Variants in PLD2 observed in about 807,000 individuals in gnomAD.
The protein encoded by PLD2 is choline phosphatase 2.
A neutral mutation model predicts 119.8 loss-of-function variants in PLD2; 101 were observed. The observed-to-expected ratio is 0.84, with a 90% confidence interval of 0.72 to 0.99. The LOEUF is 0.99. PLD2 is among the 50% of genes least tolerant of loss of function. The pLI is 0.00. For synonymous variants in PLD2, 494 were observed against 482.8 expected, an observed-to-expected ratio of 1.02 and a Z score of -0.30; for missense variants, 1,164 against 1,226.8, an observed-to-expected ratio of 0.95 and a Z score of 0.76.
chr17:4,810,850 C>T lies in PLD2; in HGVS notation c.909C>T (p.Ala303=), dbSNP rs2150670090. 6.2e-7 allele frequency: 1 copy of T among 1,613,716 alleles called. No homozygotes were observed. The highest frequency in any genetic ancestry group is 1.3e-5 in the African/African-American group (1 of 74,956). ...GCTACCGGCAGGCACGGTGGTGGGC[C>T]CAAGAGATCACTGAGCTGGCACAGG... is the stretch of plus-strand genomic sequence containing the variant. ...CSSYRQARWW[A]QEITELAQGP... is the part of the protein sequence containing the mutation. Residue 303 remains alanine (A), a synonymous_variant, in exon 10 of 25, where the codon GCC becomes GCT. Coordinates refer to ENST00000263088, the MANE Select transcript of PLD2 (RefSeq NM_002663.5).
Position 4,810,952 on chromosome 17 carries a change from G to T in PLD2, c.1010+1G>T, listed in dbSNP as rs1268412680. On this transcript the variant is annotated splice_donor_variant, in intron 10 of 24. Coordinates refer to ENST00000263088, the MANE Select transcript of PLD2 (RefSeq NM_002663.5). LOFTEE classifies it high-confidence loss of function. ...CCCGGCCTGGGACCTTGGCCCGGTG[G>T]TGAGACACTGACATCCCTTCTGAGC... 1.2e-6 allele frequency: 2 copies of T among 1,607,736 alleles called. No homozygotes were observed. Among genetic ancestry groups the T allele is most frequent in the Non-Finnish European group, 1.7e-6 (2 of 1,178,654 alleles).
At chr17:4,809,652 G>A (rs1265488301) in intron 7 of PLD2, 39 bp from the exon 8 acceptor site, 1 of 1,611,670 alleles carries the variant, frequency 6.2e-7, no homozygotes, top group Admixed American at 1.7e-5. Flanking sequence ...CTGGGGGTCT[G>A]GAGTCCTCAT....
At chr17:4,816,822 A>G in intron 15 of PLD2, 76 bp downstream of exon 15, 1 of 1,607,268 alleles carries the variant, frequency 6.2e-7, no homozygotes. Flanking sequence ...TGAGAGTGGG[A>G]TGAGAGGGGT....
At chr17:4,818,878 G>A (rs2016510426) in intron 21 of PLD2, 55 bp downstream of exon 21, 10 of 1,574,488 alleles carry the variant, frequency 6.4e-6, no homozygotes, top group African/African-American at 1.4e-5. Context: ...AGGGAGATTG[G>A]GGCGCTGCAG....
rs202025358 is a variant in PLD2 at position 4,810,005 on chromosome 17, G to A, written c.836G>A (p.Gly279Asp). The A allele has an allele frequency of 1.2e-6, 2 of 1,613,498 alleles. No homozygotes were observed. Among genetic ancestry groups the A allele is most frequent in the African/African-American group, 2.7e-5 (2 of 75,046 alleles). Residue 279 changes from glycine (G) to aspartate (D), a missense_variant, in exon 9 of 25, where the codon GGC becomes GAC. Coordinates refer to ENST00000263088, the MANE Select transcript of PLD2 (RefSeq NM_002663.5). The stretch of plus-strand genomic sequence containing the variant: ...AAAAGGAGCACGGAGGCACGGCACG[G>A]CGTGCGGATCGATACCTCCCACAGG... Reference protein sequence around the residue: ...VGKRSTEARHGVRIDTSHRSL... With the variant: ...VGKRSTEARHDVRIDTSHRSL...
intron 13 of PLD2, 39 bp downstream of exon 13, chr17:4,815,625 C>A: frequency 6.3e-7 from 1 of 1,578,500 alleles, no homozygotes; most frequent in Non-Finnish European, 8.7e-7. Context: ...CATGACAGCC[C>A]TTCTCCCCAC....
rs1208566747 is a variant in PLD2 at position 4,821,629 on chromosome 17, A to C, written c.2463-164A>C. 14 of 520,366 alleles carry C rather than the reference A, an allele frequency of 2.7e-5. No homozygotes were observed. In the East Asian group the frequency reaches 4.3e-4, roughly 16 times the overall value. 32.2% of individuals were successfully genotyped at this position (520,366 alleles called of 1,614,324 possible). ...AGGCTGGTCTTGAATTCCTGAGCTC[A>C]AGCAATCCACCTGCCTCATCCTCCC... On this transcript the variant is annotated intron_variant, in intron 23 of 24. Transcript: ENST00000263088.
chr17:4,809,483 TC>T lies in PLD2; in HGVS notation c.556-8del, dbSNP rs1906213401. Reference sequence around the variant, plus strand: ...AGGTGTCTCCTCCGGGCTTTTGTTTTCCTCTGCAGACAGAGTTCCTGGAAGT... The same window carrying T: ...AGGTGTCTCCTCCGGGCTTTTGTTTTCTCTGCAGACAGAGTTCCTGGAAGT... On this transcript the variant is annotated splice_polypyrimidine_tract_variant and intron_variant, in intron 6 of 24. Coordinates refer to ENST00000263088, the MANE Select transcript of PLD2 (RefSeq NM_002663.5). 1.9e-6 allele frequency: 3 copies of T among 1,607,142 alleles called. No homozygotes were observed. In the Admixed American group the frequency reaches 5.1e-5, roughly 27 times the overall value.
chr17:4,815,622 G>C (rs941199804), intron 13 of PLD2, 36 bp downstream of exon 13: 1 of 1,580,842 alleles, frequency 6.3e-7, no homozygotes, highest in Non-Finnish European at 8.7e-7. Flanking sequence ...CCACATGACA[G>C]CCCTTCTCCC....
chr17:4,821,969 G>GT, intron 24 of PLD2, 62 bp downstream of exon 24: 1 of 1,047,646 alleles, frequency 9.5e-7, no homozygotes, highest in African/African-American at 1.6e-5. Context: ...ATCCTGCTCA[G>GT]GGTAGGATGG....
intron 14 of PLD2, 63 bp from the exon 15 acceptor site, chr17:4,816,557 C>T: frequency 6.4e-7 from 1 of 1,557,210 alleles, no homozygotes; most frequent in Non-Finnish European, 8.9e-7. Flanking sequence ...CTCTCTTTGG[C>T]CCTGGCTCTG....
At position 4,818,534 on chromosome 17, in the gene PLD2, C is replaced by T; in HGVS notation, c.2050C>T (p.Leu684Phe). Residue 684 changes from leucine (L) to phenylalanine (F), a missense_variant, in exon 20 of 25, where the codon CTC becomes TTC. Leu to Phe is a conservative substitution (Grantham distance 22). Coordinates refer to ENST00000263088, the MANE Select transcript of PLD2 (RefSeq NM_002663.5). ...CCGAGTCTACGTGCTTTTGCCCTTACTCCCTGGCTTCGAGGGTGACATCTC... is the reference window on the plus strand; with the variant it reads ...CCGAGTCTACGTGCTTTTGCCCTTATTCCCTGGCTTCGAGGGTGACATCTC... ...CYRVYVLLPL[L>F]PGFEGDISTG... 1 of 1,614,044 alleles carries T rather than the reference C, an allele frequency of 6.2e-7. No individual in the cohort carries two copies. Among genetic ancestry groups the T allele is most frequent in the South Asian group, 1.1e-5 (1 of 91,078 alleles).
At chr17:4,817,395 G>C in intron 17 of PLD2, 136 bp downstream of exon 17, 1 of 702,734 alleles carries the variant, frequency 1.4e-6, no homozygotes, top group East Asian at 2.6e-5. Context: ...AGGCACGGTG[G>C]CTCACGCCTA....
chr17:4,822,029 G>C, intron 24 of PLD2, 122 bp downstream of exon 24: 6 of 648,078 alleles, frequency 9.3e-6, no homozygotes, highest in Non-Finnish European at 1.6e-5. Context: ...GAGGGCCTGG[G>C]GACATTTGCT....
At position 4,818,514 on chromosome 17, in the gene PLD2, T is replaced by C. The variant is rs1467474016; in HGVS notation, c.2030T>C (p.Val677Ala). The C allele has an allele frequency of 3.1e-6, 5 of 1,613,726 alleles. No homozygotes were observed. The East Asian group carries it at 1.1e-4, about 36-fold the overall frequency. Residue 677 changes from valine to alanine, a missense_variant, in exon 20 of 25, where the codon GTC becomes GCC. Coordinates refer to ENST00000263088, the MANE Select transcript of PLD2 (RefSeq NM_002663.5). ...CCCAGACAGGGGTGGTGTTACCGAG[T>C]CTACGTGCTTTTGCCCTTACTCCCT... ...KAHKQGWCYR[V>A]YVLLPLLPGF...
At chr17:4,811,139 C>A (rs1395273640) in intron 10 of PLD2, among the ~76,000 whole-genome samples, 188 bp downstream of exon 10, 2 of 151,910 alleles carry the variant, frequency 1.3e-5, no homozygotes, top group Admixed American at 1.3e-4. Flanking sequence ...TCGCGCCGAC[C>A]TTTCTGACCC....
At position 4,821,889 on chromosome 17, in the gene PLD2, C is replaced by T. The variant is rs774751573; in HGVS notation, c.2559C>T (p.Asn853=). The change falls in exon 24 of 25, where the codon AAC becomes AAT. Residue 853 remains asparagine (N), a synonymous_variant. Coordinates refer to ENST00000263088, the MANE Select transcript of PLD2 (RefSeq NM_002663.5). ...FQLWQDMAES[N]ANIYEQIFRC... is the part of the protein sequence containing the mutation. ...TGTGGCAAGACATGGCTGAGAGCAA[C>T]GCCAATATCTATGAGCAGGTGGGAA... is the stretch of plus-strand genomic sequence containing the variant. 1.3e-5 allele frequency: 21 copies of T among 1,612,418 alleles called. No individual in the cohort carries two copies. Among genetic ancestry groups the T allele is most frequent in the South Asian group, 8.8e-5 (8 of 91,028 alleles).
chr17:4,814,883 G>T lies in PLD2; in HGVS notation c.1173+172G>T, dbSNP rs965755320. ...CCTCCGCCCTCTCCCTCTGCCCTAA[G>T]GAGAACTGACAACTTCCTCTTCATG... On this transcript the variant is annotated intron_variant, in intron 12 of 24. Transcript: ENST00000263088. Among the ~76,000 whole-genome samples, 4 of 152,134 alleles carry T rather than the reference G, an allele frequency of 2.6e-5. 1 individual carries two copies. Among genetic ancestry groups the T allele is most frequent in the South Asian group, 4.1e-4 (2 of 4,830 alleles).
chr17:4,818,111 G>T lies in PLD2; in HGVS notation c.1920+5G>T. 1.9e-6 allele frequency: 3 copies of T among 1,601,586 alleles called. No homozygotes were observed. The highest frequency in any genetic ancestry group is 8.6e-7 in the Non-Finnish European group (1 of 1,168,570). ...CAGCACTTCCTCTACATTGAGGTCT[G>T]ACTGGGAGGAGGTGGGGGAGAGCAT... On this transcript the variant is annotated splice_donor_5th_base_variant and intron_variant, in intron 18 of 24. Coordinates refer to ENST00000263088, the MANE Select transcript of PLD2 (RefSeq NM_002663.5).
Sources: gnomAD v4.1 joint callset for allele counts (sites outside exome capture counted in the v4.1 genomes callset) on GRCh38, gnomAD v4.1.1 for gene constraint, MANE v1.5 for transcripts, NCBI Gene and HGNC (gene_info 2026-07-23, HGNC 2026-07-21) for gene names.